The following FANK1 variants were observed in gnomAD, a reference collection of about 807,000 sequenced individuals.
FANK1 encodes fibronectin type 3 and ankyrin repeat domains protein 1.
Under a neutral mutation model 45.3 loss-of-function variants are expected in FANK1, and 44 were observed. The observed-to-expected ratio is 0.97, with a 90% CI of 0.76 to 1.25. The LOEUF is 1.25. FANK1 is among the 50% of genes most tolerant of loss of function. The pLI is 0.00. For synonymous variants in FANK1, 149 were observed against 152.5 expected (o/e 0.98, Z 0.17); for missense variants, 391 against 424.4 (o/e 0.92, Z 0.69).
In FANK1 at chr10:125,918,606, A is replaced by G. The variant is rs1222994519; in HGVS notation, c.13+21951A>G. Among the ~76,000 whole-genome samples the G allele has an allele frequency of 1.7e-3, 225 of 129,974 alleles. 1 individual carries two copies. Among genetic ancestry groups the G allele is most frequent in the Middle Eastern group, 7.4e-3 (2 of 270 alleles). 85.3% of individuals were successfully genotyped at this position (129,974 alleles called of 152,430 possible). A position where few individuals can be genotyped will look rare whatever the true frequency, so the allele number is the denominator to read the frequency against. On this transcript the variant is annotated intron_variant, in intron 1 of 10. Coordinates refer to ENST00000368693, the MANE Select transcript of FANK1 (RefSeq NM_145235.5). Reference sequence around the variant, plus strand: ...AAAAAATATATATATATATATATATATAGTTATATATACTTTACCATGATA... The same window carrying G: ...AAAAAATATATATATATATATATATGTAGTTATATATACTTTACCATGATA...
At chr10:125,902,879 G>A (rs545066743) in intron 1 of FANK1, among the ~76,000 whole-genome samples, 280 of 152,388 alleles carry the variant, frequency 1.8e-3, no homozygotes, top group African/African-American at 6.5e-3. Flanking sequence ...TCTTAGCCCC[G>A]AAGAATATTA....
At chr10:126,001,960 G>T (rs1952790581) in intron 6 of FANK1, among the ~76,000 whole-genome samples, 1 of 152,034 alleles carries the variant, frequency 6.6e-6, no homozygotes, top group South Asian at 2.1e-4. Flanking sequence ...TCTGATATGG[G>T]ATTTTTTTTC....
intron 6 of FANK1, among the ~76,000 whole-genome samples, chr10:125,997,963 A>G (rs943511205): frequency 1.3e-5 from 2 of 152,266 alleles, no homozygotes; most frequent in African/African-American, 4.8e-5. Context: ...TGAGAGGCAC[A>G]TGTCCCCTTG....
intron 3 of FANK1, chr10:125,989,595 A>G: frequency 1.5e-6 from 1 of 667,056 alleles, no homozygotes. Flanking sequence ...AGGGGACAGG[A>G]TCTGAGTTTA....
At chr10:125,952,570 A>T (rs550711418) in intron 1 of FANK1, among the ~76,000 whole-genome samples, 2 of 152,238 alleles carry the variant, frequency 1.3e-5, no homozygotes, top group Non-Finnish European at 2.9e-5. Flanking sequence ...TGGACACCAA[A>T]GCACTTCTCT....
chr10:125,988,758 G>A (rs754323607), intron 3 of FANK1, 83 bp downstream of exon 3: 25 of 1,603,344 alleles, frequency 1.6e-5, no homozygotes, highest in Non-Finnish European at 2.1e-5. Flanking sequence ...TCTGCCTCTC[G>A]TTTGGCCTTA....
intron 1 of FANK1, among the ~76,000 whole-genome samples, chr10:125,918,556 C>CAAAAAAAAAAAAAAAA (rs1156446362): frequency 1.4e-4 from 1 of 7,102 alleles, no homozygotes; most frequent in Non-Finnish European, 3.0e-4. Context: ...GCCTCTGTCT[C>CAAAAAAAAAAAAAAAA]AAAAAAAAAA....
At chr10:125,994,426 A>G in intron 3 of FANK1, 1 of 985,200 alleles carries the variant, frequency 1.0e-6, no homozygotes, top group African/African-American at 1.7e-5. Context: ...TAGACCAGGG[A>G]TTATAAACTC....
intron 1 of FANK1, among the ~76,000 whole-genome samples, chr10:125,964,336 G>A (rs986008144): frequency 3.3e-5 from 5 of 151,818 alleles, no homozygotes; most frequent in African/African-American, 1.2e-4. Context: ...CAGACCACAG[G>A]TGTGCGCCAC....
chr10:125,938,036 A>G (rs956032807), intron 1 of FANK1, among the ~76,000 whole-genome samples: 5 of 152,138 alleles, frequency 3.3e-5, no homozygotes, highest in Admixed American at 6.6e-5. Flanking sequence ...TTGTAAACAC[A>G]TTTTTCAGAC....
chr10:125,951,206 A>T (rs555137264), intron 1 of FANK1, among the ~76,000 whole-genome samples: 8 of 151,456 alleles, frequency 5.3e-5, no homozygotes, highest in South Asian at 4.2e-4. Flanking sequence ...AACCTGCACA[A>T]TGTGCACATG....
intron 1 of FANK1, among the ~76,000 whole-genome samples, chr10:125,909,686 CTTTTT>C (rs34854157): frequency 9.7e-6 from 1 of 103,264 alleles, no homozygotes. Context: ...GACCAATTAA[CTTTTT>C]TTTTTTTTTT....
chr10:125,999,848 T>C (rs1952628029), intron 6 of FANK1, among the ~76,000 whole-genome samples: 1 of 152,218 alleles, frequency 6.6e-6, no homozygotes, highest in Non-Finnish European at 1.5e-5. Flanking sequence ...ATTTCATGAT[T>C]AGACAGTATT....
chr10:125,948,529 C>T (rs1948971447), intron 1 of FANK1, among the ~76,000 whole-genome samples: 1 of 152,164 alleles, frequency 6.6e-6, no homozygotes, highest in African/African-American at 2.4e-5. Flanking sequence ...TGGATAAATT[C>T]CTCAACACAT....
chr10:125,997,376 A>G (rs1390766108), intron 5 of FANK1, 44 bp from the exon 6 acceptor site: 1 of 1,557,796 alleles, frequency 6.4e-7, no homozygotes, highest in Non-Finnish European at 8.8e-7. Flanking sequence ...GTTCTGAGTG[A>G]TCAAGGTGAC....
At chr10:125,950,802 A>G (rs1949158914) in intron 1 of FANK1, among the ~76,000 whole-genome samples, 1 of 147,296 alleles carries the variant, frequency 6.8e-6, no homozygotes, top group Non-Finnish European at 1.5e-5. Flanking sequence ...ACGTATGTTT[A>G]TTGCGGCATT....
intron 1 of FANK1, among the ~76,000 whole-genome samples, chr10:125,945,909 C>T (rs1226367736): frequency 3.9e-5 from 6 of 152,174 alleles, no homozygotes; most frequent in African/African-American, 1.4e-4. Flanking sequence ...GATCTGAGAA[C>T]CGGCAGACTG....
intron 1 of FANK1, among the ~76,000 whole-genome samples, chr10:125,914,172 T>A (rs76739174): frequency 6.2e-4 from 95 of 152,226 alleles, no homozygotes; most frequent in Non-Finnish European, 1.1e-3. Flanking sequence ...TTAGATTTTT[T>A]AAACATAGGA....
At chr10:125,965,412 A>G (rs1283520659) in intron 1 of FANK1, among the ~76,000 whole-genome samples, 1 of 152,256 alleles carries the variant, frequency 6.6e-6, no homozygotes, top group Non-Finnish European at 1.5e-5. Flanking sequence ...CTGTGTCTAA[A>G]GAATATATAT....
Sources: gnomAD v4.1 joint callset for allele counts (sites outside exome capture counted in the v4.1 genomes callset) on GRCh38, gnomAD v4.1.1 for gene constraint, MANE v1.5 for transcripts, NCBI Gene and HGNC (gene_info 2026-07-23, HGNC 2026-07-21) for gene names.